CEP128: variants seen among roughly 807,000 people sequenced by gnomAD.
The protein encoded by CEP128 is centrosomal protein 128.
Under a neutral mutation model 156.7 loss-of-function variants are expected in CEP128, and 132 were observed. The ratio of observed to expected loss-of-function variants is 0.84; its 90% CI spans 0.73 to 0.97. The LOEUF is 0.97. CEP128 is among the 50% of genes least tolerant of loss of function. The pLI is 0.00. For synonymous variants in CEP128, 469 were observed against 448.9 expected (o/e 1.04, Z -0.57); for missense variants, 1,252 against 1,281.9 (o/e 0.98, Z 0.36).
chr14:80,705,840 C>T (rs777970564), intron 19 of CEP128, among the ~76,000 whole-genome samples: 3 of 152,136 alleles, frequency 2.0e-5, no homozygotes, highest in Non-Finnish European at 4.4e-5. Context: ...AATAAATTCT[C>T]AGACGAATCA....
At chr14:80,823,102 C>G (rs1885277454) in intron 13 of CEP128, among the ~76,000 whole-genome samples, 1 of 152,162 alleles carries the variant, frequency 6.6e-6, no homozygotes, top group Non-Finnish European at 1.5e-5. Flanking sequence ...AAGCCTTGTG[C>G]TATGGAAAAA....
intron 8 of CEP128, among the ~76,000 whole-genome samples, chr14:80,869,764 C>A (rs1402402870): frequency 1.3e-5 from 2 of 151,882 alleles, no homozygotes; most frequent in African/African-American, 2.4e-5. Context: ...TTTCTTCACC[C>A]AGGTATTAAG....
At chr14:80,591,453 T>A (rs1349877291) in intron 19 of CEP128, among the ~76,000 whole-genome samples, 1 of 152,050 alleles carries the variant, frequency 6.6e-6, no homozygotes, top group Non-Finnish European at 1.5e-5. Flanking sequence ...CAACAAGAGC[T>A]AACTATCCTA....
chr14:80,877,700 G>T (rs1288038320), intron 8 of CEP128, among the ~76,000 whole-genome samples: 2 of 152,102 alleles, frequency 1.3e-5, no homozygotes, highest in Non-Finnish European at 2.9e-5. Flanking sequence ...CCCCAGTTGG[G>T]GTCAGCCCTA....
chr14:80,956,771 C>T (rs1418320355), intron 2 of CEP128, among the ~76,000 whole-genome samples: 1 of 152,136 alleles, frequency 6.6e-6, no homozygotes, highest in Non-Finnish European at 1.5e-5. Context: ...GAATTTAGCT[C>T]ATGAAGACTA....
chr14:80,875,350 C>T (rs1008636072), intron 8 of CEP128, among the ~76,000 whole-genome samples: 3 of 152,154 alleles, frequency 2.0e-5, no homozygotes, highest in Non-Finnish European at 4.4e-5. Flanking sequence ...TATTCTCATA[C>T]GTAATAATGT....
intron 15 of CEP128, among the ~76,000 whole-genome samples, chr14:80,783,226 T>C (rs768645168): frequency 9.2e-5 from 14 of 152,208 alleles, no homozygotes; most frequent in Non-Finnish European, 1.6e-4. Context: ...ATTCTGTCTG[T>C]ATTCTCTATG....
At chr14:80,679,285 G>A (rs910033744) in intron 19 of CEP128, among the ~76,000 whole-genome samples, 1 of 152,208 alleles carries the variant, frequency 6.6e-6, no homozygotes, top group African/African-American at 2.4e-5. Flanking sequence ...GGGTCAGGCA[G>A]AATAGAGCCA....
At chr14:80,569,598 T>G (rs1401783578) in intron 20 of CEP128, among the ~76,000 whole-genome samples, 33 of 152,180 alleles carry the variant, frequency 2.2e-4, no homozygotes, top group Admixed American at 2.2e-3. Flanking sequence ...TTATTTCAAA[T>G]TCTACCAACA....
chr14:80,716,452 T>G, intron 19 of CEP128, among the ~76,000 whole-genome samples: 1 of 152,188 alleles, frequency 6.6e-6, no homozygotes, highest in Non-Finnish European at 1.5e-5. Flanking sequence ...CAACCACCAG[T>G]ATCTAAAGAT....
chr14:80,640,923 A>T (rs1180701658), intron 19 of CEP128, among the ~76,000 whole-genome samples: 1 of 152,228 alleles, frequency 6.6e-6, no homozygotes, highest in African/African-American at 2.4e-5. Context: ...TTGAAGCCAG[A>T]TAAATATCCA....
intron 13 of CEP128, among the ~76,000 whole-genome samples, chr14:80,805,885 T>C (rs1320082955): frequency 6.6e-6 from 1 of 152,208 alleles, no homozygotes; most frequent in South Asian, 2.1e-4. Context: ...TTTTTTAAAG[T>C]AGTGATTGGT....
intron 13 of CEP128, among the ~76,000 whole-genome samples, chr14:80,795,879 T>C (rs184275231): frequency 4.6e-5 from 7 of 152,298 alleles, no homozygotes; most frequent in African/African-American, 1.2e-4. Context: ...CTTAGACAAA[T>C]AGCCTATCTC....
At chr14:80,910,623 A>C (rs1884153512) in intron 4 of CEP128, among the ~76,000 whole-genome samples, 1 of 152,174 alleles carries the variant, frequency 6.6e-6, no homozygotes, top group Non-Finnish European at 1.5e-5. Context: ...TGGAACGGTG[A>C]GCCAATTAAA....
At chr14:80,539,523 C>T (rs1344788237) in intron 21 of CEP128, among the ~76,000 whole-genome samples, 5 of 152,166 alleles carry the variant, frequency 3.3e-5, no homozygotes, top group Admixed American at 2.0e-4. Context: ...CCATTATCTT[C>T]ATAAGCTGAG....
chr14:80,516,483 C>A (rs931951531), intron 23 of CEP128, among the ~76,000 whole-genome samples: 1 of 152,182 alleles, frequency 6.6e-6, no homozygotes, highest in Non-Finnish European at 1.5e-5. Flanking sequence ...TGTTGTCTTA[C>A]TAGGTCACTC....
chr14:80,623,899 C>T (rs1893598334), intron 19 of CEP128, among the ~76,000 whole-genome samples: 1 of 152,166 alleles, frequency 6.6e-6, no homozygotes, highest in Non-Finnish European at 1.5e-5. Flanking sequence ...TATCCATCAT[C>T]TTCGGCATTT....
chr14:80,544,270 T>C (rs1889888561), intron 21 of CEP128, among the ~76,000 whole-genome samples: 1 of 152,200 alleles, frequency 6.6e-6, no homozygotes, highest in African/African-American at 2.4e-5. Flanking sequence ...AGGGACTCTC[T>C]TAGTTTGGCT....
intron 19 of CEP128, among the ~76,000 whole-genome samples, chr14:80,624,258 T>C (rs1271645288): frequency 1.3e-5 from 2 of 152,196 alleles, no homozygotes; most frequent in Non-Finnish European, 2.9e-5. Context: ...CAGGATTTCA[T>C]TCTTTTTCAT....
Sources: gnomAD v4.1 joint callset for allele counts (sites outside exome capture counted in the v4.1 genomes callset) on GRCh38, gnomAD v4.1.1 for gene constraint, MANE v1.5 for transcripts, NCBI Gene and HGNC (gene_info 2026-07-23, HGNC 2026-07-21) for gene names.